Variants in THEMIS2 observed in about 807,000 individuals in gnomAD.
THEMIS2 encodes thymocyte selection associated family member 2.
A neutral mutation model predicts 46.8 loss-of-function variants in THEMIS2; 29 were observed. The observed-to-expected ratio is 0.62, with a 90% CI of 0.46 to 0.84. The LOEUF is 0.84. Among genes scored for constraint, THEMIS2 ranks in the 40% least tolerant of loss-of-function variants. THEMIS2 has a pLI of 0.00. For synonymous variants in THEMIS2, 335 were observed against 349.1 expected (o/e 0.96, Z 0.45); for missense variants, 698 against 834.7 (o/e 0.84, Z 2.02).
rs1381908993 is a variant in THEMIS2, at chr1:27,886,475, GAAC to G, written c.*555_*557del. ...GATTAATGTGGGAACTTGGCTTCAA[GAAC>G]ACAACCTTAGGACCTTGGGCCCCAA... is the stretch of plus-strand genomic sequence containing the variant. On this transcript the variant is annotated 3_prime_UTR_variant, in exon 6 of 6. Coordinates refer to ENST00000373921, the MANE Select transcript of THEMIS2 (RefSeq NM_001105556.3). 1 of 152,066 alleles carries G rather than the reference GAAC, an allele frequency of 6.6e-6. No homozygotes were observed. Among genetic ancestry groups the G allele is most frequent in the Non-Finnish European group, 1.5e-5 (1 of 68,196 alleles). 9.4% of individuals were successfully genotyped at this position (152,066 alleles called of 1,614,324 possible).
chr1:27,884,883 A>T, intron 4 of THEMIS2: 1 of 170,960 alleles, frequency 5.8e-6, no homozygotes, highest in Non-Finnish European at 1.3e-5. Flanking sequence ...GTCATGTAGC[A>T]TCTGGCACAT....
chr1:27,879,391 G>T (rs2089638960), intron 2 of THEMIS2, among the ~76,000 whole-genome samples: 1 of 152,092 alleles, frequency 6.6e-6, no homozygotes, highest in South Asian at 2.1e-4. Flanking sequence ...TCCATTCTCT[G>T]TGTCTCTGGT....
Position 27,886,216 on chromosome 1 carries a change from C to T in THEMIS2, c.*294C>T. 2.3e-6 allele frequency: 1 copy of T among 428,336 alleles called. No homozygotes were observed. The highest frequency in any genetic ancestry group is 6.5e-4 in the Middle Eastern group (1 of 1,550). 26.5% of individuals were successfully genotyped at this position (428,336 alleles called of 1,614,324 possible). A position where few individuals can be genotyped will look rare whatever the true frequency, so the allele number is the denominator to read the frequency against. On this transcript the variant is annotated 3_prime_UTR_variant, in exon 6 of 6. Transcript: ENST00000373921. ...GTTCCTCTCAATCCTGCAACCCCAGCTGTCCCACCGGTGGATGCAGAGGGG... is the reference window on the plus strand; with the variant it reads ...GTTCCTCTCAATCCTGCAACCCCAGTTGTCCCACCGGTGGATGCAGAGGGG...
At chr1:27,883,237 T>G (rs1447661872) in intron 4 of THEMIS2, among the ~76,000 whole-genome samples, 194 bp downstream of exon 4, 1 of 152,106 alleles carries the variant, frequency 6.6e-6, no homozygotes, top group Non-Finnish European at 1.5e-5. Flanking sequence ...ATCTTATGAT[T>G]GAGAAAACAA....
intron 1 of THEMIS2, among the ~76,000 whole-genome samples, chr1:27,873,764 G>A (rs962789650): frequency 2.2e-4 from 33 of 152,254 alleles, no homozygotes; most frequent in Admixed American, 9.2e-4. Flanking sequence ...AGGACCAAGC[G>A]TCTTCGTCCT....
In THEMIS2 at chr1:27,886,225, C is replaced by T. The variant is rs575705302; in HGVS notation, c.*303C>T. 9.7e-5 allele frequency: 40 copies of T among 411,442 alleles called. No individual in the cohort carries two copies. Among genetic ancestry groups the T allele is most frequent in the Middle Eastern group, 6.7e-4 (1 of 1,496 alleles). The allele number at this position is 411,442 out of a possible 1,614,324, so 25.5% of individuals were successfully genotyped here. A position where few individuals can be genotyped will look rare whatever the true frequency, so the allele number is the denominator to read the frequency against. On this transcript the variant is annotated 3_prime_UTR_variant, in exon 6 of 6. Coordinates refer to ENST00000373921, the MANE Select transcript of THEMIS2 (RefSeq NM_001105556.3). ...AATCCTGCAACCCCAGCTGTCCCAC[C>T]GGTGGATGCAGAGGGGAATCCGAGG...
At chr1:27,876,480 G>T (rs760603377) in intron 1 of THEMIS2, 108 bp from the exon 2 acceptor site, 47 of 1,369,384 alleles carry the variant, frequency 3.4e-5, no homozygotes, top group Middle Eastern at 2.0e-4. Context: ...CAGGCAGCAG[G>T]CACCATGTGC....
At position 27,886,135 on chromosome 1, in the gene THEMIS2, A is replaced by G. The variant is rs1376512563; in HGVS notation, c.*213A>G. 3.6e-6 allele frequency: 2 copies of G among 556,020 alleles called. No individual in the cohort carries two copies. The highest frequency in any genetic ancestry group is 1.9e-5 in the African/African-American group (1 of 52,684). 34.4% of individuals were successfully genotyped at this position (556,020 alleles called of 1,614,324 possible). ...TAGGGCGGGCTGGTTTGGACCTAAC[A>G]TCTCGCACGTGACTCCCTCAGCCTC... On this transcript the variant is annotated 3_prime_UTR_variant, in exon 6 of 6. Coordinates refer to ENST00000373921, the MANE Select transcript of THEMIS2 (RefSeq NM_001105556.3).
chr1:27,886,002 C>T lies in THEMIS2; in HGVS notation c.*80C>T. ...CCAACCATTTTAAGCCTCTAAAAGA[C>T]CTCGGGCAAGTCTCACAGAAACTGA... On this transcript the variant is annotated 3_prime_UTR_variant, in exon 6 of 6. Transcript: ENST00000373921. 6 of 1,418,592 alleles carry T rather than the reference C, an allele frequency of 4.2e-6. No homozygotes were observed. The highest frequency in any genetic ancestry group is 6.0e-6 in the Non-Finnish European group (6 of 1,007,302). The allele number at this position is 1,418,592 out of a possible 1,614,324, so 87.9% of individuals were successfully genotyped here.
chr1:27,881,620 G>A (rs1353784216), intron 3 of THEMIS2, among the ~76,000 whole-genome samples: 1 of 151,802 alleles, frequency 6.6e-6, no homozygotes, highest in Non-Finnish European at 1.5e-5. Context: ...CTGAGGACAG[G>A]AGTTCGAGAC....
intron 5 of THEMIS2, 133 bp downstream of exon 5, chr1:27,885,584 G>A: frequency 8.3e-7 from 1 of 1,210,410 alleles, no homozygotes; most frequent in Non-Finnish European, 1.1e-6. Context: ...AGGCCTCTAT[G>A]GGGTGGGCTC....
rs556363415 is a variant in THEMIS2, at chr1:27,880,773, C to T, written c.646+719C>T. 2.9e-3 allele frequency among the ~76,000 whole-genome samples: 445 copies of T among 152,126 alleles called. 2 individuals are homozygous for T. Among genetic ancestry groups the T allele is most frequent in the Middle Eastern group, 6.8e-3 (2 of 294 alleles). On this transcript the variant is annotated intron_variant, in intron 3 of 5. Transcript: ENST00000373921. The stretch of plus-strand genomic sequence containing the variant: ...TTGCACTCCAGCCTGGGCAACAGGG[C>T]GAGACCTCATCTCTCTCTTTTTTGA...
chr1:27,877,314 C>A (rs1054554131), intron 2 of THEMIS2, among the ~76,000 whole-genome samples: 46 of 151,964 alleles, frequency 3.0e-4, no homozygotes, highest in Non-Finnish European at 1.0e-4. Context: ...GAGCTCAATT[C>A]TTATTATTTT....
chr1:27,872,845 G>C lies in THEMIS2; in HGVS notation c.94+180G>C, dbSNP rs926117325. On this transcript the variant is annotated intron_variant, in intron 1 of 5. Transcript: ENST00000373921. The surrounding 1 kb of genome is among the most constrained non-coding windows in gnomAD (Gnocchi z 4.9). Reference sequence around the variant, plus strand: ...TCTTTGGACCTCGGCTTTTGCTTTCGTGGAACGGGGACCGCTGACCTGCCC... The same window carrying C: ...TCTTTGGACCTCGGCTTTTGCTTTCCTGGAACGGGGACCGCTGACCTGCCC... Among the ~76,000 whole-genome samples, 20 of 152,336 alleles carry C rather than the reference G, an allele frequency of 1.3e-4. No homozygotes were observed. Among genetic ancestry groups the C allele is most frequent in the Admixed American group, 1.1e-3 (17 of 15,306 alleles).
At chr1:27,880,176 G>T in intron 3 of THEMIS2, 122 bp downstream of exon 3, 1 of 1,181,350 alleles carries the variant, frequency 8.5e-7, no homozygotes, top group Non-Finnish European at 1.2e-6. Flanking sequence ...ACTTCAGGTT[G>T]CTCCCTCTGT....
Position 27,872,858 on chromosome 1 carries a change from C to A in THEMIS2, c.94+193C>A, listed in dbSNP as rs61787159. Reference sequence around the variant, plus strand: ...GCTTTTGCTTTCGTGGAACGGGGACCGCTGACCTGCCCCGCAGGGTAGTGA... The same window carrying A: ...GCTTTTGCTTTCGTGGAACGGGGACAGCTGACCTGCCCCGCAGGGTAGTGA... On this transcript the variant is annotated intron_variant, in intron 1 of 5. Coordinates refer to ENST00000373921, the MANE Select transcript of THEMIS2 (RefSeq NM_001105556.3). This position sits in a 1 kb window ranked among gnomAD's most constrained non-coding sequence, Gnocchi z 4.9. Among the ~76,000 whole-genome samples, 4 of 152,150 alleles carry A rather than the reference C, an allele frequency of 2.6e-5. No homozygotes were observed. The highest frequency in any genetic ancestry group is 7.2e-5 in the African/African-American group (3 of 41,452).
chr1:27,877,347 A>T (rs12139152), intron 2 of THEMIS2, among the ~76,000 whole-genome samples: 11,058 of 151,888 alleles, frequency 0.073, 423 homozygotes, highest in Admixed American at 0.093. Flanking sequence ...CTTTTTGGAG[A>T]TGGAGTCTCG....
intron 2 of THEMIS2, among the ~76,000 whole-genome samples, chr1:27,878,290 G>C (rs928462645): frequency 9.9e-5 from 15 of 151,388 alleles, no homozygotes; most frequent in African/African-American, 2.9e-4. Context: ...GGGCTATGTG[G>C]TGTGCTGACA....
At chr1:27,883,635 C>G (rs189388151) in intron 4 of THEMIS2, 1 of 152,536 alleles carries the variant, frequency 6.6e-6, no homozygotes, top group African/African-American at 2.4e-5. Flanking sequence ...GAGAGAAATG[C>G]CCGCAGCTCC....
Sources: gnomAD v4.1 joint callset for allele counts (sites outside exome capture counted in the v4.1 genomes callset) on GRCh38, gnomAD v4.1.1 for gene constraint, Gnocchi (gnomAD v3.1) non-coding constraint, MANE v1.5 for transcripts, NCBI Gene and HGNC (gene_info 2026-07-23, HGNC 2026-07-21) for gene names.